Variants in CYREN observed in about 807,000 individuals in gnomAD.
The protein encoded by CYREN is cell cycle regulator of non-homologous end joining.
A neutral mutation model predicts 9.7 loss-of-function variants in CYREN; 7 were observed. The ratio of observed to expected loss-of-function variants is 0.72; its 90% CI spans 0.41 to 1.36. The LOEUF is 1.36. Ranked by LOEUF, CYREN falls within the 40% of genes most tolerant of loss-of-function variation. The pLI, the probability that CYREN is intolerant of heterozygous loss-of-function variation, is 0.01. For missense variants in CYREN, 215 were observed against 198.1 expected, an observed-to-expected ratio of 1.09 and a Z score of -0.51; for synonymous variants, 76 against 77.9, an observed-to-expected ratio of 0.98 and a Z score of 0.13.
intron 2 of CYREN, among the ~76,000 whole-genome samples, chr7:135,111,037 CCT>C (rs1243697263): frequency 2.0e-5 from 3 of 152,020 alleles, no homozygotes; most frequent in Non-Finnish European, 4.4e-5. Context: ...TAAACTTTTT[CCT>C]CTCTCTCTCC....
intron 2 of CYREN, among the ~76,000 whole-genome samples, chr7:135,133,091 ACACACAC>A (rs1829018537): frequency 7.8e-6 from 1 of 127,692 alleles, no homozygotes; most frequent in Non-Finnish European, 1.7e-5. Flanking sequence ...ACACACACAC[ACACACAC>A]AACCTTTAGA....
At chr7:135,167,911 G>A (rs1037707886) in intron 2 of CYREN, 104 bp from the exon 3 acceptor site, 47 of 1,563,928 alleles carry the variant, frequency 3.0e-5, no homozygotes, top group East Asian at 1.1e-4. Context: ...TTCCTACCAC[G>A]CAGGAGGTAC....
At chr7:135,118,947 A>G (rs973280011) in intron 2 of CYREN, among the ~76,000 whole-genome samples, 1 of 152,162 alleles carries the variant, frequency 6.6e-6, no homozygotes, top group Non-Finnish European at 1.5e-5. Flanking sequence ...AGAGAGATAG[A>G]AAAATAGAAA....
chr7:135,161,337 A>AT (rs919263873), downstream of CYREN, among the ~76,000 whole-genome samples: 8 of 152,160 alleles, frequency 5.3e-5, no homozygotes, highest in South Asian at 6.2e-4. The surrounding 1 kb of genome is among the most constrained non-coding windows in gnomAD (Gnocchi z 4.1). Flanking sequence ...ACGTTTAATA[A>AT]TTTTTTTTGG....
chr7:135,165,019 G>A (rs749390569), downstream of CYREN: 2 of 1,550,098 alleles, frequency 1.3e-6, no homozygotes, highest in African/African-American at 1.4e-5. Context: ...TGATTGCAAG[G>A]GTTCAGTTCC....
chr7:135,117,400 G>A (rs754613756), intron 2 of CYREN, among the ~76,000 whole-genome samples: 3 of 152,138 alleles, frequency 2.0e-5, no homozygotes, highest in Non-Finnish European at 2.9e-5. Flanking sequence ...CAGATGTAAC[G>A]TCATGTTCAA....
downstream of CYREN, chr7:135,165,255 G>A (rs1830064073): frequency 2.4e-6 from 1 of 417,758 alleles, no homozygotes; most frequent in African/African-American, 2.0e-5. Flanking sequence ...GCAGCTCATT[G>A]TCACACCAAT....
At chr7:135,138,538 T>C (rs1051762825) in intron 2 of CYREN, among the ~76,000 whole-genome samples, 1 of 151,890 alleles carries the variant, frequency 6.6e-6, no homozygotes, top group Non-Finnish European at 1.5e-5. Context: ...GAGGTAGAAT[T>C]GATATACTAA....
Position 135,145,446 on chromosome 7 carries a change from G to A in CYREN, n.356+23303C>T, listed in dbSNP as rs1829527491. Among the ~76,000 whole-genome samples, 6 of 152,162 alleles carry A rather than the reference G, an allele frequency of 3.9e-5. No homozygotes were observed. In the South Asian group the frequency reaches 1.2e-3, roughly 32 times the overall value. Reference sequence around the variant, plus strand: ...AGAAGTAAAGGGAATCCCCAGCATGGTGGTGATGTGAGAAGCCAGGACAAC... The same window carrying A: ...AGAAGTAAAGGGAATCCCCAGCATGATGGTGATGTGAGAAGCCAGGACAAC... On this transcript the variant is annotated intron_variant and non_coding_transcript_variant, in intron 2 of 2. Coordinates refer to the CYREN transcript ENST00000459937.
downstream of CYREN, among the ~76,000 whole-genome samples, chr7:135,161,267 G>A (rs565155131): frequency 6.6e-6 from 1 of 152,356 alleles, no homozygotes; most frequent in Non-Finnish European, 1.5e-5. The surrounding 1 kb of genome is among the most constrained non-coding windows in gnomAD (Gnocchi z 4.1). Context: ...CAAGGTGGCT[G>A]ATGCAATCTC....
chr7:135,100,074 G>A, intron 2 of CYREN: 1 of 151,750 alleles, frequency 6.6e-6, no homozygotes, highest in Non-Finnish European at 1.5e-5. Flanking sequence ...TTTTAGTAGA[G>A]ATGGGGTTTC....
At chr7:135,167,028 C>T (rs1424727319) in intron 3 of CYREN, 157 bp from the exon 4 acceptor site, 185 of 985,266 alleles carry the variant, frequency 1.9e-4, no homozygotes, top group Non-Finnish European at 2.1e-4. Context: ...CCTCTCTTCA[C>T]CCCACTCCTT....
At chr7:135,150,034 G>T (rs536780276) in intron 2 of CYREN, among the ~76,000 whole-genome samples, 2 of 152,182 alleles carry the variant, frequency 1.3e-5, no homozygotes, top group Non-Finnish European at 2.9e-5. Flanking sequence ...TTGCTCTTAA[G>T]TTCCAAATTT....
At chr7:135,127,127 A>C (rs977911459) in intron 2 of CYREN, among the ~76,000 whole-genome samples, 1 of 152,144 alleles carries the variant, frequency 6.6e-6, no homozygotes, top group African/African-American at 2.4e-5. Context: ...CATCTGACAA[A>C]GGTCTAATAT....
chr7:135,165,049 A>C (rs1307282592), downstream of CYREN: 2 of 1,509,000 alleles, frequency 1.3e-6, no homozygotes. Flanking sequence ...CAGAGGTGGC[A>C]CATCTGCTCA....
At chr7:135,132,792 C>A (rs1014239096) in intron 2 of CYREN, among the ~76,000 whole-genome samples, 2 of 152,162 alleles carry the variant, frequency 1.3e-5, no homozygotes, top group African/African-American at 4.8e-5. Context: ...ATTGCGAGGC[C>A]TCCCCAGCCA....
intron 2 of CYREN, among the ~76,000 whole-genome samples, chr7:135,111,374 C>T (rs543274156): frequency 1.3e-5 from 2 of 152,244 alleles, no homozygotes; most frequent in South Asian, 2.1e-4. Flanking sequence ...TCTACTGTTG[C>T]CATACCATGA....
chr7:135,110,111 T>C (rs1243962465), intron 2 of CYREN, among the ~76,000 whole-genome samples: 4 of 152,162 alleles, frequency 2.6e-5, no homozygotes, highest in Non-Finnish European at 5.9e-5. Context: ...CTCTGGGAGC[T>C]CTGTCTCAGG....
downstream of CYREN, among the ~76,000 whole-genome samples, chr7:135,161,257 C>A (rs62481860): frequency 0.055 from 8,381 of 152,300 alleles, 310 homozygotes; most frequent in Middle Eastern, 0.18. This position sits in a 1 kb window ranked among gnomAD's most constrained non-coding sequence, Gnocchi z 4.1. Flanking sequence ...GGAGCTGCCG[C>A]AAGGTGGCTG....
Sources: gnomAD v4.1 joint callset for allele counts (sites outside exome capture counted in the v4.1 genomes callset) on GRCh38, gnomAD v4.1.1 for gene constraint, Gnocchi (gnomAD v3.1) non-coding constraint, MANE v1.5 for transcripts, NCBI Gene and HGNC (gene_info 2026-07-23, HGNC 2026-07-21) for gene names.